The following FBXW8 variants were observed in gnomAD, a reference collection of about 807,000 sequenced individuals.
FBXW8 encodes the protein F-box and WD repeat domain containing 8.
FBXW8 carries 57 observed loss-of-function variants against 65.3 expected under a neutral mutation model. That is an observed-to-expected ratio of 0.87 (90% CI 0.71 to 1.09). The LOEUF (loss-of-function observed/expected upper bound fraction) is 1.09. FBXW8 is among the 50% of genes least tolerant of loss of function. The pLI, the probability that FBXW8 is intolerant of heterozygous loss-of-function variation, is 0.00. For synonymous variants in FBXW8, 308 were observed against 330.2 expected, an observed-to-expected ratio of 0.93 and a Z score of 0.73; for missense variants, 777 against 814.8, an observed-to-expected ratio of 0.95 and a Z score of 0.57.
At chr12:116,966,682 G>C (rs1333877266) in intron 5 of FBXW8, among the ~76,000 whole-genome samples, 1 of 152,128 alleles carries the variant, frequency 6.6e-6, no homozygotes, top group African/African-American at 2.4e-5. Flanking sequence ...TTGTTGCACA[G>C]AAATGTTGGG....
At chr12:117,010,580 T>A in intron 8 of FBXW8, 130 bp downstream of exon 8, 1 of 1,183,508 alleles carries the variant, frequency 8.4e-7, no homozygotes, top group Non-Finnish European at 1.2e-6. Context: ...CCCGATCCCA[T>A]AAACACTCTA....
intron 2 of FBXW8, among the ~76,000 whole-genome samples, chr12:116,933,308 T>A (rs1360081946): frequency 6.6e-6 from 1 of 152,244 alleles, no homozygotes; most frequent in East Asian, 1.9e-4. Flanking sequence ...AGCGAGCTGC[T>A]GTTTAAGAAA....
intron 4 of FBXW8, among the ~76,000 whole-genome samples, chr12:116,958,283 G>T (rs1466849134): frequency 1.3e-5 from 2 of 152,176 alleles, no homozygotes; most frequent in African/African-American, 4.8e-5. Flanking sequence ...AAATACTCTT[G>T]CTTTTATTGA....
At chr12:117,024,733 G>A (rs1954185704) in intron 9 of FBXW8, among the ~76,000 whole-genome samples, 1 of 151,808 alleles carries the variant, frequency 6.6e-6, no homozygotes, top group African/African-American at 2.4e-5. Context: ...CCTGCCCACA[G>A]GTGGAAGGCA....
chr12:116,945,687 T>G (rs1164116821), intron 3 of FBXW8, among the ~76,000 whole-genome samples, 159 bp downstream of exon 3: 1 of 152,236 alleles, frequency 6.6e-6, no homozygotes, highest in Non-Finnish European at 1.5e-5. Flanking sequence ...CCCATTTTGT[T>G]CACCATTAGA....
intron 5 of FBXW8, among the ~76,000 whole-genome samples, chr12:116,975,296 G>GTA (rs1392564136): frequency 6.6e-6 from 1 of 152,254 alleles, no homozygotes; most frequent in African/African-American, 2.4e-5. Context: ...AACAACAGAA[G>GTA]TATATTTCTG....
At chr12:117,000,233 C>G (rs1953481645) in intron 7 of FBXW8, among the ~76,000 whole-genome samples, 1 of 152,188 alleles carries the variant, frequency 6.6e-6, no homozygotes, top group Non-Finnish European at 1.5e-5. Context: ...ACCTCGGCCT[C>G]CCAAAGTGCT....
At chr12:116,988,178 A>G (rs1235141915) in intron 6 of FBXW8, among the ~76,000 whole-genome samples, 1 of 152,186 alleles carries the variant, frequency 6.6e-6, no homozygotes, top group East Asian at 1.9e-4. Flanking sequence ...GTACATAATC[A>G]TTTTTTATAT....
At position 117,009,852 on chromosome 12, in the gene FBXW8, A is replaced by C. The variant is rs191923508; in HGVS notation, c.1240-471A>C. Among the ~76,000 whole-genome samples the C allele has an allele frequency of 1.1e-3, 171 of 152,252 alleles. 1 individual carries two copies. Among genetic ancestry groups the C allele is most frequent in the African/African-American group, 4.0e-3 (166 of 41,542 alleles). ...CGAAGGAAGCATCCAGTGGCTATGC[A>C]AGCTTCATCTTCCTGGTCCTTGTAC... On this transcript the variant is annotated intron_variant, in intron 7 of 10. Transcript: ENST00000652555.
In FBXW8 at chr12:116,985,348, C is replaced by T; in HGVS notation, c.978C>T (p.Ser326=). Residue 326 remains serine (S), a synonymous_variant, in exon 6 of 11, where the codon TCC becomes TCT. Coordinates refer to ENST00000652555, the MANE Select transcript of FBXW8 (RefSeq NM_153348.3). ...CTGCTTTTGATGTCGTGATGTTATC[C>T]CCCAATGAGGAGGGGTACTGGCAGA... The part of the protein sequence containing the change: ...TASAFDVVML[S]PNEEGYWQIA... 2 of 1,614,122 alleles carry T rather than the reference C, an allele frequency of 1.2e-6. No homozygotes were observed. The highest frequency in any genetic ancestry group is 1.1e-5 in the South Asian group (1 of 91,070).
At chr12:117,022,433 T>A (rs1187168294) in intron 8 of FBXW8, among the ~76,000 whole-genome samples, 1 of 149,014 alleles carries the variant, frequency 6.7e-6, no homozygotes, top group East Asian at 2.0e-4. Context: ...GGTGGGTAGA[T>A]CCCTTGGCCC....
At chr12:116,938,573 A>G (rs564190957) in intron 2 of FBXW8, among the ~76,000 whole-genome samples, 9 of 152,310 alleles carry the variant, frequency 5.9e-5, no homozygotes, top group South Asian at 2.1e-4. Context: ...TCAGCTTCCA[A>G]CATCTTTAAG....
At chr12:117,025,224 T>C (rs746792402) in intron 9 of FBXW8, among the ~76,000 whole-genome samples, 15 of 152,340 alleles carry the variant, frequency 9.8e-5, no homozygotes, top group Middle Eastern at 3.4e-3. Flanking sequence ...GTGGCTCACC[T>C]GTAATCCCAG....
intron 2 of FBXW8, among the ~76,000 whole-genome samples, chr12:116,937,588 A>G (rs139313031): frequency 2.2e-4 from 34 of 152,282 alleles, no homozygotes; most frequent in African/African-American, 7.5e-4. Context: ...AGAAATGACC[A>G]TTGGGTTTTG....
intron 9 of FBXW8, among the ~76,000 whole-genome samples, chr12:117,026,383 T>C (rs906931419): frequency 2.7e-5 from 4 of 149,956 alleles, no homozygotes; most frequent in Non-Finnish European, 5.9e-5. Context: ...CCTTCAGTCC[T>C]CCAGGCTGCA....
intron 2 of FBXW8, among the ~76,000 whole-genome samples, chr12:116,935,636 A>T (rs750437056): frequency 2.6e-5 from 4 of 152,196 alleles, no homozygotes; most frequent in Non-Finnish European, 5.9e-5. Context: ...AAATCACTCT[A>T]AAAAACAGAT....
intron 5 of FBXW8, chr12:116,978,958 A>T (rs1267290715): frequency 6.6e-6 from 1 of 152,168 alleles, no homozygotes; most frequent in African/African-American, 2.4e-5. Flanking sequence ...TATCTTTTTG[A>T]TGGAAGCTTA....
intron 9 of FBXW8, among the ~76,000 whole-genome samples, chr12:117,025,342 C>T (rs902051703): frequency 6.6e-6 from 1 of 152,152 alleles, no homozygotes; most frequent in Non-Finnish European, 1.5e-5. Flanking sequence ...TCTACAAAAC[C>T]GAGATGATTC....
Position 116,927,966 on chromosome 12 carries a change from T to TTGAG in FBXW8, c.319-55_319-52dup, listed in dbSNP as rs1881454554. 3.6e-6 allele frequency: 4 copies of TTGAG among 1,096,924 alleles called. No individual in the cohort carries two copies. In the African/African-American group the frequency reaches 6.4e-5, roughly 18 times the overall value. 67.9% of individuals were successfully genotyped at this position (1,096,924 alleles called of 1,614,324 possible). A position where few individuals can be genotyped will look rare whatever the true frequency, so the allele number is the denominator to read the frequency against. On this transcript the variant is annotated intron_variant, in intron 1 of 10. Coordinates refer to ENST00000652555, the MANE Select transcript of FBXW8 (RefSeq NM_153348.3). ...CTGGTCATTTAAAGGGCCTGTAAAT[T>TTGAG]TGAGTTATTTTCATATCTAAAAATT...
Sources: allele counts gnomAD v4.1 joint callset (sites outside exome capture counted in the v4.1 genomes callset), GRCh38; gene constraint gnomAD v4.1.1; transcripts MANE v1.5; gene names NCBI Gene and HGNC (gene_info 2026-07-23, HGNC 2026-07-21).